RYR2: variants seen among roughly 807,000 people sequenced by gnomAD.
RYR2 encodes cardiac muscle ryanodine receptor-calcium release channel.
A neutral mutation model predicts 601.1 loss-of-function variants in RYR2; 227 were observed. That is an observed-to-expected ratio of 0.38 (90% CI 0.34 to 0.42). The LOEUF is 0.42. Among genes scored for constraint, RYR2 ranks in the 10% least tolerant of loss-of-function variants. The probability of loss-of-function intolerance (pLI) is 1.00; values close to 1 mark genes in which losing one functional copy is unlikely to be tolerated. For missense variants in RYR2, 4,646 were observed against 6,156.5 expected (o/e 0.75, Z 8.21); for synonymous variants, 2,223 against 2,175.1 (o/e 1.02, Z -0.61).
intron 1 of RYR2, among the ~76,000 whole-genome samples, chr1:237,193,107 G>A (rs1680158417): frequency 1.5e-5 from 2 of 133,896 alleles, no homozygotes; most frequent in African/African-American, 2.8e-5. Context: ...CGGATCACGA[G>A]GTCAGGAGAT....
chr1:237,477,633 A>G (rs917562112), intron 17 of RYR2, among the ~76,000 whole-genome samples: 1 of 152,124 alleles, frequency 6.6e-6, no homozygotes, highest in East Asian at 1.9e-4. Flanking sequence ...TTGGTCAAGT[A>G]ATTGCATTGT....
At chr1:237,567,079 C>T (rs2148256328) in intron 28 of RYR2, among the ~76,000 whole-genome samples, 2 of 149,150 alleles carry the variant, frequency 1.3e-5, no homozygotes, top group East Asian at 2.0e-4. Flanking sequence ...GCAGCGATTC[C>T]GTATCAGGAG....
At chr1:237,173,884 G>A (rs919181095) in intron 1 of RYR2, among the ~76,000 whole-genome samples, 4 of 151,988 alleles carry the variant, frequency 2.6e-5, no homozygotes, top group East Asian at 1.9e-4. Flanking sequence ...GTGAAGCCCC[G>A]TCTCTACTAA....
At chr1:237,505,989 G>A (rs574009475) in intron 22 of RYR2, among the ~76,000 whole-genome samples, 52 of 152,226 alleles carry the variant, frequency 3.4e-4, no homozygotes, top group African/African-American at 1.2e-3. Flanking sequence ...ACATTTATAC[G>A]CTCAAAGATC....
At chr1:237,745,239 G>A (rs1165312060) in intron 80 of RYR2, among the ~76,000 whole-genome samples, 1 of 152,072 alleles carries the variant, frequency 6.6e-6, no homozygotes, top group Non-Finnish European at 1.5e-5. Flanking sequence ...ATGGTTAATG[G>A]CATACAATGG....
At chr1:237,412,088 T>G (rs1346242305) in intron 10 of RYR2, among the ~76,000 whole-genome samples, 2 of 152,136 alleles carry the variant, frequency 1.3e-5, no homozygotes, top group Admixed American at 1.3e-4. Context: ...TTTCTGGGCC[T>G]TAGATTCTAA....
chr1:237,624,771 T>C (rs1573185713), intron 39 of RYR2, among the ~76,000 whole-genome samples: 1 of 152,240 alleles, frequency 6.6e-6, no homozygotes, highest in South Asian at 2.1e-4. Flanking sequence ...CTTTATGCAG[T>C]GGTGTGGATA....
chr1:237,303,226 A>G (rs2149460783), intron 2 of RYR2, among the ~76,000 whole-genome samples: 1 of 152,024 alleles, frequency 6.6e-6, no homozygotes, highest in South Asian at 2.1e-4. Context: ...TTTGGTTATT[A>G]AAGTTCTAAA....
At chr1:237,515,640 C>G (rs1037265998) in intron 24 of RYR2, among the ~76,000 whole-genome samples, 1 of 127,552 alleles carries the variant, frequency 7.8e-6, no homozygotes, top group African/African-American at 2.9e-5. Flanking sequence ...CCCTCCATCA[C>G]CCACCCCTTC....
chr1:237,264,158 A>C (rs1688807629), intron 1 of RYR2, among the ~76,000 whole-genome samples: 1 of 151,598 alleles, frequency 6.6e-6, no homozygotes, highest in Non-Finnish European at 1.5e-5. Context: ...ACCCCTCAAC[A>C]TGTCCCCATT....
intron 3 of RYR2, among the ~76,000 whole-genome samples, chr1:237,331,896 G>A (rs1696786142): frequency 6.6e-6 from 1 of 152,116 alleles, no homozygotes; most frequent in Non-Finnish European, 1.5e-5. Context: ...GAGACTTCCT[G>A]TGACTGATAT....
intron 1 of RYR2, among the ~76,000 whole-genome samples, chr1:237,054,497 A>G (rs1210246715): frequency 6.6e-6 from 1 of 152,142 alleles, no homozygotes; most frequent in Non-Finnish European, 1.5e-5. Context: ...ACTGATAGTA[A>G]TGATTCCTGA....
chr1:237,371,447 A>G (rs1700634383), intron 6 of RYR2, among the ~76,000 whole-genome samples: 1 of 152,230 alleles, frequency 6.6e-6, no homozygotes, highest in Non-Finnish European at 1.5e-5. Context: ...ATGAGCCACC[A>G]TGCCCGGCAT....
At chr1:237,597,253 T>C (rs67856670) in intron 34 of RYR2, among the ~76,000 whole-genome samples, 29,479 of 151,290 alleles carry the variant, frequency 0.19, 3,282 homozygotes, top group East Asian at 0.47. Flanking sequence ...AATTAAGGCA[T>C]CAGAAATATA....
chr1:237,566,506 T>C, intron 27 of RYR2, 61 bp from the exon 28 acceptor site: 2 of 1,484,622 alleles, frequency 1.3e-6, no homozygotes, highest in Non-Finnish European at 1.8e-6. Flanking sequence ...ATTTATGATA[T>C]CTTTCCTTCT....
chr1:237,755,017 C>G lies in RYR2; in HGVS notation c.11146-1271C>G, dbSNP rs554737525. On this transcript the variant is annotated intron_variant, in intron 80 of 104. Transcript: ENST00000366574. Reference sequence around the variant, plus strand: ...ATAAAATTAACCACAGGAGCGCTAACTATAGTGTGACAAAAAAAACCCTGA... The same window carrying G: ...ATAAAATTAACCACAGGAGCGCTAAGTATAGTGTGACAAAAAAAACCCTGA... 3 of 1,172,664 alleles carry G rather than the reference C, an allele frequency of 2.6e-6. No homozygotes were observed. The African/African-American group carries it at 4.7e-5, about 19-fold the overall frequency. The allele number at this position is 1,172,664 out of a possible 1,614,324, so 72.6% of individuals were successfully genotyped here.
chr1:237,325,621 G>A (rs758384063), intron 2 of RYR2, among the ~76,000 whole-genome samples: 17 of 152,052 alleles, frequency 1.1e-4, no homozygotes, highest in South Asian at 2.1e-4. Flanking sequence ...GTGGGTGGAG[G>A]AGCTTGCAGT....
At chr1:237,407,278 G>A (rs1446023771) in intron 10 of RYR2, among the ~76,000 whole-genome samples, 1 of 152,162 alleles carries the variant, frequency 6.6e-6, no homozygotes, top group Non-Finnish European at 1.5e-5. Context: ...TTACATGCAA[G>A]TTTTGTATAG....
At chr1:237,688,774 C>T (rs1034663125) in intron 63 of RYR2, among the ~76,000 whole-genome samples, 1 of 152,240 alleles carries the variant, frequency 6.6e-6, no homozygotes, top group East Asian at 1.9e-4. Context: ...CAAATATTCT[C>T]CATTTGTCTT....
Sources: gnomAD v4.1 joint callset for allele counts (sites outside exome capture counted in the v4.1 genomes callset) on GRCh38, gnomAD v4.1.1 for gene constraint, MANE v1.5 for transcripts, NCBI Gene and HGNC (gene_info 2026-07-23, HGNC 2026-07-21) for gene names.